Variants in SLC1A3 observed in about 807,000 individuals in gnomAD.
SLC1A3 encodes excitatory amino acid transporter 1.
In SLC1A3, 21 loss-of-function variants were observed where a neutral mutation model predicts 48.1. The ratio of observed to expected loss-of-function variants is 0.44; its 90% CI spans 0.31 to 0.63. The LOEUF is 0.63. Among genes scored for constraint, SLC1A3 ranks in the 20% least tolerant of loss-of-function variants. The pLI, the probability that SLC1A3 is intolerant of heterozygous loss-of-function variation, is 0.08. For missense variants in SLC1A3, 546 were observed against 689.0 expected (o/e 0.79, Z 2.32); for synonymous variants, 239 against 251.4 (o/e 0.95, Z 0.47).
chr5:36,608,731 C>T, intron 2 of SLC1A3, 127 bp downstream of exon 2: 1 of 1,496,700 alleles, frequency 6.7e-7, no homozygotes, highest in Non-Finnish European at 8.8e-7. Flanking sequence ...TTCCTCTGAA[C>T]TTGATGATTT....
intron 2 of SLC1A3, among the ~76,000 whole-genome samples, chr5:36,623,309 A>G (rs1188891707): frequency 9.9e-5 from 15 of 152,204 alleles, no homozygotes; most frequent in Admixed American, 9.8e-4. Flanking sequence ...ACATCCATAT[A>G]TTGTATAACA....
chr5:36,611,283 A>G (rs1364257660), intron 2 of SLC1A3, among the ~76,000 whole-genome samples: 4 of 69,956 alleles, frequency 5.7e-5, no homozygotes, highest in Non-Finnish European at 1.2e-4. Context: ...CTTTTAGTAA[A>G]AAAAAAAAAA....
chr5:36,637,081 T>G (rs1451516188), intron 3 of SLC1A3, among the ~76,000 whole-genome samples: 2 of 152,144 alleles, frequency 1.3e-5, no homozygotes, highest in East Asian at 1.9e-4. Flanking sequence ...TCCCAGTGCT[T>G]CTTCTGTGCC....
chr5:36,609,536 T>G (rs931254388), intron 2 of SLC1A3, among the ~76,000 whole-genome samples: 4 of 152,208 alleles, frequency 2.6e-5, no homozygotes, highest in African/African-American at 7.2e-5. Context: ...CCATCAACTT[T>G]AAAGAGGTAA....
chr5:36,601,267 GT>G (rs200707797), intron 1 of SLC1A3, among the ~76,000 whole-genome samples: 1 of 151,826 alleles, frequency 6.6e-6, no homozygotes, highest in African/African-American at 2.4e-5. Context: ...GCTTCCTTTG[GT>G]ACTGTATTAT....
intron 3 of SLC1A3, among the ~76,000 whole-genome samples, chr5:36,648,702 CT>C (rs558688810): frequency 6.6e-6 from 1 of 152,252 alleles, no homozygotes; most frequent in African/African-American, 2.4e-5. Flanking sequence ...CTTGAAAAGG[CT>C]TTTTTAGGCA....
rs181747859 is a variant in SLC1A3 at position 36,607,762 on chromosome 5, C to T, written c.-95-567C>T. On this transcript the variant is annotated intron_variant, in intron 1 of 9. Coordinates refer to ENST00000265113, the MANE Select transcript of SLC1A3 (RefSeq NM_004172.5). ...ATGTATTTCCCATGTACTGTGGGCA[C>T]TTGTGTTCTTTTTATGACCATATTT... is the stretch of plus-strand genomic sequence containing the variant. Among the ~76,000 whole-genome samples, 511 of 152,200 alleles carry T rather than the reference C, an allele frequency of 3.4e-3. 3 individuals are homozygous for T. The highest frequency in any genetic ancestry group is 2.6e-3 in the Non-Finnish European group (178 of 67,998).
intron 3 of SLC1A3, among the ~76,000 whole-genome samples, chr5:36,637,530 T>C (rs1230611715): frequency 6.6e-6 from 1 of 152,132 alleles, no homozygotes; most frequent in African/African-American, 2.4e-5. Context: ...AAAGAAAAGG[T>C]AAATAAGAAA....
chr5:36,680,914 TC>T (rs371379106), intron 8 of SLC1A3, among the ~76,000 whole-genome samples: 29,469 of 120,026 alleles, frequency 0.25, 3,128 homozygotes, highest in Admixed American at 0.35. Flanking sequence ...AGACTCCATC[TC>T]AAAAAAAAAA....
chr5:36,657,699 T>C (rs547253907), intron 3 of SLC1A3, among the ~76,000 whole-genome samples: 7 of 152,320 alleles, frequency 4.6e-5, no homozygotes, highest in Non-Finnish European at 8.8e-5. Flanking sequence ...AAGGAATAAG[T>C]GTACATTTCT....
intron 3 of SLC1A3, among the ~76,000 whole-genome samples, chr5:36,638,471 A>G (rs1740480943): frequency 6.6e-6 from 1 of 152,154 alleles, no homozygotes; most frequent in African/African-American, 2.4e-5. Flanking sequence ...TTGAAAGCTT[A>G]GCTTTCAATC....
At position 36,677,001 on chromosome 5, in the gene SLC1A3, G is replaced by T; in HGVS notation, c.677G>T (p.Arg226Leu). Reference sequence around the variant, plus strand: ...TCTGAGGCCATGGAGACTCTTACCCGAATCACAGAGGAGCTGGTCCCAGTT... The same window carrying T: ...TCTGAGGCCATGGAGACTCTTACCCTAATCACAGAGGAGCTGGTCCCAGTT... ...NVSEAMETLTRITEELVPVPG... is the reference protein window; with the variant it reads ...NVSEAMETLTLITEELVPVPG... The change falls in exon 6 of 10, where the codon CGA (arginine) becomes CTA (leucine). Residue 226 changes from arginine to leucine, a missense_variant. Transcript: ENST00000265113. 1 of 1,614,044 alleles carries T rather than the reference G, an allele frequency of 6.2e-7. No individual in the cohort carries two copies. Among genetic ancestry groups the T allele is most frequent in the Non-Finnish European group, 8.5e-7 (1 of 1,179,980 alleles).
chr5:36,621,227 A>G (rs1298886464), intron 2 of SLC1A3, among the ~76,000 whole-genome samples: 1 of 152,110 alleles, frequency 6.6e-6, no homozygotes, highest in African/African-American at 2.4e-5. Flanking sequence ...TAAAGGAGGT[A>G]AGTGTTGTGG....
At chr5:36,660,366 C>T (rs976953419) in intron 3 of SLC1A3, among the ~76,000 whole-genome samples, 2 of 151,838 alleles carry the variant, frequency 1.3e-5, no homozygotes, top group African/African-American at 4.8e-5. Flanking sequence ...CCTAAATACT[C>T]CTTGAAAAAA....
intron 3 of SLC1A3, chr5:36,636,505 T>TTTTTTTTTCTC (rs1554041213): frequency 1.9e-4 from 13 of 70,136 alleles, no homozygotes. Flanking sequence ...CTTTCTTTCT[T>TTTTTTTTTCTC]TTTCTTTCTT....
At chr5:36,636,651 A>T (rs796666549) in intron 3 of SLC1A3, among the ~76,000 whole-genome samples, 4 of 124,314 alleles carry the variant, frequency 3.2e-5, no homozygotes, top group African/African-American at 1.3e-4. Flanking sequence ...TGAGTCTTTC[A>T]CCATTAAATG....
At chr5:36,672,140 C>T (rs1303419692) in intron 4 of SLC1A3, among the ~76,000 whole-genome samples, 1 of 152,164 alleles carries the variant, frequency 6.6e-6, no homozygotes, top group Non-Finnish European at 1.5e-5. Flanking sequence ...GAGCTATAGC[C>T]TTGGGAGGGA....
chr5:36,663,129 T>C (rs1419122266), intron 3 of SLC1A3, among the ~76,000 whole-genome samples: 1 of 152,228 alleles, frequency 6.6e-6, no homozygotes, highest in East Asian at 1.9e-4. Flanking sequence ...TAATACTGTC[T>C]TCGCCACTGA....
chr5:36,643,869 C>T (rs899795661), intron 3 of SLC1A3, among the ~76,000 whole-genome samples: 2 of 152,096 alleles, frequency 1.3e-5, no homozygotes, highest in African/African-American at 4.8e-5. Context: ...TGGCATGAGC[C>T]TGTAATCCCA....
Sources: allele counts gnomAD v4.1 joint callset (sites outside exome capture counted in the v4.1 genomes callset), GRCh38; gene constraint gnomAD v4.1.1; transcripts MANE v1.5; gene names NCBI Gene and HGNC (gene_info 2026-07-23, HGNC 2026-07-21).